The following RPF2 variants were observed in gnomAD, a reference collection of about 807,000 sequenced individuals.
RPF2 encodes the protein brix domain containing 1.
A neutral mutation model predicts 38.9 loss-of-function variants in RPF2; 21 were observed. The observed-to-expected ratio is 0.54, with a 90% CI of 0.38 to 0.78. RPF2 has a LOEUF of 0.78. Ranked by LOEUF, RPF2 falls within the 30% of genes least tolerant of loss-of-function variation. The pLI is 0.00. For synonymous variants in RPF2, 121 were observed against 126.2 expected (o/e 0.96, Z 0.28); for missense variants, 314 against 358.1 (o/e 0.88, Z 0.99).
rs78238852 is a variant in RPF2, at chr6:111,024,757, T to G, written c.741+430T>G. Among the ~76,000 whole-genome samples, 1,450 of 148,928 alleles carry G rather than the reference T, an allele frequency of 9.7e-3. 26 individuals carry two copies. The highest frequency in any genetic ancestry group is 0.034 in the African/African-American group (1,398 of 40,706). Reference sequence around the variant, plus strand: ...ATATAAAGAGATCAATACAATAGATTAAACTAGGACTCACAGAGCCAGGAA... The same window carrying G: ...ATATAAAGAGATCAATACAATAGATGAAACTAGGACTCACAGAGCCAGGAA... On this transcript the variant is annotated intron_variant, in intron 9 of 9. Coordinates refer to ENST00000441448, the MANE Select transcript of RPF2 (RefSeq NM_032194.3).
chr6:111,017,477 G>A (rs1304794306), intron 8 of RPF2, among the ~76,000 whole-genome samples: 1 of 150,788 alleles, frequency 6.6e-6, no homozygotes, highest in African/African-American at 2.4e-5. Flanking sequence ...CCGGGCGGAG[G>A]GGCTCCTCAC....
At position 110,982,045 on chromosome 6, in the gene RPF2, C is replaced by G. The variant is rs562829513; in HGVS notation, c.-62C>G. 50 of 1,596,860 alleles carry G rather than the reference C, an allele frequency of 3.1e-5. No homozygotes were observed. Among genetic ancestry groups the G allele is most frequent in the Non-Finnish European group, 4.1e-5 (48 of 1,164,554 alleles). On this transcript the variant is annotated 5_prime_UTR_variant, in exon 1 of 10. Coordinates refer to ENST00000441448, the MANE Select transcript of RPF2 (RefSeq NM_032194.3). ...CAGCTTCCGGTTCCGCCTGTTCCGG[C>G]GCACGTAATCGCCGAGGGCACGTGC...
chr6:110,984,087 A>G (rs1484436860), intron 1 of RPF2, among the ~76,000 whole-genome samples: 1 of 152,166 alleles, frequency 6.6e-6, no homozygotes, highest in Non-Finnish European at 1.5e-5. Flanking sequence ...GGTGAAGATT[A>G]AGCCTTAATA....
intron 4 of RPF2, among the ~76,000 whole-genome samples, chr6:110,993,580 TA>T (rs1425256451): frequency 6.6e-6 from 1 of 152,196 alleles, no homozygotes; most frequent in Non-Finnish European, 1.5e-5. Flanking sequence ...TGTGATACCA[TA>T]ATGCTTTTAG....
At chr6:110,989,644 T>C (rs1771584714) in intron 3 of RPF2, among the ~76,000 whole-genome samples, 2 of 148,218 alleles carry the variant, frequency 1.3e-5, no homozygotes, top group Non-Finnish European at 3.0e-5. Context: ...TTTTTTTTTT[T>C]GAGACGGAGT....
At chr6:111,019,591 G>T (rs983512023) in intron 8 of RPF2, among the ~76,000 whole-genome samples, 3 of 151,956 alleles carry the variant, frequency 2.0e-5, no homozygotes, top group African/African-American at 7.3e-5. Flanking sequence ...ACAAAAATTG[G>T]TCAGGCATGG....
intron 7 of RPF2, among the ~76,000 whole-genome samples, chr6:111,015,332 T>C (rs547332139): frequency 3.3e-5 from 5 of 152,312 alleles, no homozygotes; most frequent in Admixed American, 3.3e-4. Flanking sequence ...GTTTTTTTCT[T>C]GTTGGCCTCC....
chr6:111,013,216 A>G (rs1772049588), intron 7 of RPF2, among the ~76,000 whole-genome samples: 1 of 152,202 alleles, frequency 6.6e-6, no homozygotes, highest in Non-Finnish European at 1.5e-5. Context: ...CCCCTGATAG[A>G]AAAATGCTAT....
intron 8 of RPF2, among the ~76,000 whole-genome samples, chr6:111,021,034 T>C (rs1772222966): frequency 6.6e-6 from 1 of 152,020 alleles, no homozygotes; most frequent in Admixed American, 6.6e-5. Flanking sequence ...CTGGACATGG[T>C]GGCGCATGCC....
At chr6:110,993,413 A>G (rs1771654717) in intron 4 of RPF2, among the ~76,000 whole-genome samples, 1 of 152,212 alleles carries the variant, frequency 6.6e-6, no homozygotes, top group Non-Finnish European at 1.5e-5. Context: ...TTAAGATAGT[A>G]TTGATAAAAT....
intron 5 of RPF2, among the ~76,000 whole-genome samples, 160 bp from the exon 6 acceptor site, chr6:110,999,551 T>G (rs1771777528): frequency 6.6e-6 from 1 of 152,008 alleles, no homozygotes; most frequent in African/African-American, 2.4e-5. Context: ...TAAAAATCAA[T>G]AAGTAGAGTT....
At chr6:111,017,743 A>T (rs1301125451) in intron 8 of RPF2, among the ~76,000 whole-genome samples, 2 of 145,208 alleles carry the variant, frequency 1.4e-5, no homozygotes, top group Non-Finnish European at 3.0e-5. Context: ...GCAGCCGGGC[A>T]GAGGGGCTCC....
In RPF2 at chr6:110,997,468, A is replaced by G. The variant is rs371340352; in HGVS notation, c.316+204A>G. On this transcript the variant is annotated intron_variant, in intron 5 of 9. Transcript: ENST00000441448. ...AAAAGTTTTAGAGCAGGGGCCTGGC[A>G]TGGTGGTTCATGCCTGTAATCCCAG... Among the ~76,000 whole-genome samples, 611 of 152,060 alleles carry G rather than the reference A, an allele frequency of 4.0e-3. 3 individuals carry two copies. The highest frequency in any genetic ancestry group is 0.024 in the South Asian group (115 of 4,782).
chr6:111,021,473 C>T (rs1255366023), intron 8 of RPF2, among the ~76,000 whole-genome samples: 1 of 152,156 alleles, frequency 6.6e-6, no homozygotes, highest in Non-Finnish European at 1.5e-5. Flanking sequence ...AGAGGCTGTG[C>T]CACACTTGGG....
At chr6:111,022,591 C>G (rs1490979537) in intron 8 of RPF2, among the ~76,000 whole-genome samples, 8 of 149,796 alleles carry the variant, frequency 5.3e-5, no homozygotes, top group Non-Finnish European at 7.4e-5. Flanking sequence ...ATTTTATGTA[C>G]CACTCAAAAA....
At chr6:110,987,883 T>C (rs977606554) in intron 2 of RPF2, among the ~76,000 whole-genome samples, 1 of 152,074 alleles carries the variant, frequency 6.6e-6, no homozygotes, top group Admixed American at 6.6e-5. Flanking sequence ...ATAGGCCAGG[T>C]GTGGTGGCTC....
intron 3 of RPF2, among the ~76,000 whole-genome samples, chr6:110,989,710 C>G (rs2114295466): frequency 6.6e-6 from 1 of 150,958 alleles, no homozygotes. Context: ...GCTGCAACCT[C>G]TGACTCCCTG....
At chr6:110,994,913 T>C (rs928863586) in intron 4 of RPF2, among the ~76,000 whole-genome samples, 13 of 151,966 alleles carry the variant, frequency 8.6e-5, no homozygotes, top group African/African-American at 2.9e-4. Context: ...TAAATATATA[T>C]ATTTTAATTG....
At chr6:111,002,682 C>T (rs1197252737) in intron 6 of RPF2, among the ~76,000 whole-genome samples, 4 of 152,164 alleles carry the variant, frequency 2.6e-5, no homozygotes, top group African/African-American at 9.7e-5. Context: ...TACATTTTCA[C>T]TCATGGAGTG....
Sources: allele counts gnomAD v4.1 joint callset (sites outside exome capture counted in the v4.1 genomes callset), GRCh38; gene constraint gnomAD v4.1.1; transcripts MANE v1.5; gene names NCBI Gene and HGNC (gene_info 2026-07-23, HGNC 2026-07-21).